The following DDX59 variants were observed in gnomAD, a reference collection of about 807,000 sequenced individuals.
DDX59 encodes probable ATP-dependent RNA helicase DDX59.
Under a neutral mutation model 51.9 loss-of-function variants are expected in DDX59, and 30 were observed. The observed-to-expected ratio is 0.58, with a 90% CI of 0.43 to 0.78. The LOEUF (loss-of-function observed/expected upper bound fraction) is 0.78, where lower values mean the gene tolerates loss of function less well. DDX59 is among the 30% of genes least tolerant of loss of function. The probability of loss-of-function intolerance (pLI) is 0.00; values close to 1 mark genes in which losing one functional copy is unlikely to be tolerated. For synonymous variants in DDX59, 255 were observed against 253.3 expected, an observed-to-expected ratio of 1.01 and a Z score of -0.06; for missense variants, 672 against 730.8, an observed-to-expected ratio of 0.92 and a Z score of 0.93.
intron 7 of DDX59, among the ~76,000 whole-genome samples, chr1:200,644,981 C>A (rs1202459608): frequency 6.7e-6 from 1 of 150,368 alleles, no homozygotes; most frequent in Non-Finnish European, 1.5e-5. Context: ...CTCAATATAT[C>A]TGTGAAATCA....
downstream of DDX59, among the ~76,000 whole-genome samples, chr1:200,642,853 C>G (rs1311672277): frequency 6.6e-6 from 1 of 152,048 alleles, no homozygotes; most frequent in Non-Finnish European, 1.5e-5. Flanking sequence ...AAGGGTGGCC[C>G]ACAATGACCG....
Position 200,666,044 on chromosome 1 carries a change from T to C in DDX59, c.697A>G (p.Met233Val), listed in dbSNP as rs1288942241. The C allele has an allele frequency of 1.5e-5, 24 of 1,614,206 alleles. No individual in the cohort carries two copies. The highest frequency in any genetic ancestry group is 1.9e-5 in the Non-Finnish European group (22 of 1,180,042). Residue 233 changes from methionine (M) to valine (V), a missense_variant, in exon 2 of 8, where the codon ATG (methionine) becomes GTG (valine). By Grantham distance (21) the Met-to-Val change is conservative. Coordinates refer to ENST00000331314, the MANE Select transcript of DDX59 (RefSeq NM_001031725.6). The part of the protein sequence containing the change: ...YEVPTPIQMQ[M>V]IPVGLLGRDI... ...CTTCCCAGAAGTCCCACAGGAATCA[T>C]CTGCATTTGAATGGGAGTTGGCACC...
intron 4 of DDX59, among the ~76,000 whole-genome samples, chr1:200,658,041 C>T (rs903843752): frequency 2.0e-5 from 3 of 152,226 alleles, no homozygotes; most frequent in Non-Finnish European, 2.9e-5. Context: ...CTTGCGGGTA[C>T]TGGCTATGTG....
rs1158081254 is a variant in DDX59 at position 200,649,155 on chromosome 1, T to C, written c.1386A>G (p.Glu462=). 1.9e-6 allele frequency: 3 copies of C among 1,598,626 alleles called. No individual in the cohort carries two copies. The highest frequency in any genetic ancestry group is 1.8e-5 in the Admixed American group (1 of 55,584). The change falls in exon 6 of 8, where the codon GAA becomes GAG. Residue 462 remains glutamate, a synonymous_variant. Coordinates refer to ENST00000331314, the MANE Select transcript of DDX59 (RefSeq NM_001031725.6). ...TCAGCCCTGTGATTTTCTGAACGGC[T>C]TCACTCAAAAGATCTGCTCCTAGTT... ...DCKLGADLLS[E]AVQKITGLKS... is the part of the protein sequence containing the mutation.
chr1:200,664,141 A>G (rs1662560702), intron 2 of DDX59, 55 bp from the exon 3 acceptor site: 2 of 1,563,718 alleles, frequency 1.3e-6, no homozygotes, highest in Non-Finnish European at 1.7e-6. Context: ...TCCTGCTGAT[A>G]TGAACTAAAT....
At chr1:200,664,800 C>G (rs577357422) in intron 2 of DDX59, among the ~76,000 whole-genome samples, 1 of 152,058 alleles carries the variant, frequency 6.6e-6, no homozygotes, top group Non-Finnish European at 1.5e-5. Context: ...CTCAGCCTCC[C>G]GAGTAGCTGG....
At chr1:200,658,036 G>A (rs962054338) in intron 4 of DDX59, among the ~76,000 whole-genome samples, 3 of 152,168 alleles carry the variant, frequency 2.0e-5, no homozygotes, top group East Asian at 1.9e-4. Context: ...TTGGTCTTGC[G>A]GGTACTGGCT....
intron 7 of DDX59, among the ~76,000 whole-genome samples, chr1:200,646,607 G>A (rs1477085882): frequency 2.0e-5 from 3 of 152,176 alleles, no homozygotes; most frequent in African/African-American, 7.2e-5. Context: ...AAAGATAAGT[G>A]TTGATGAGGA....
At chr1:200,654,844 T>C (rs572030037) in intron 4 of DDX59, 5 of 152,348 alleles carry the variant, frequency 3.3e-5, no homozygotes, top group East Asian at 3.9e-4. Flanking sequence ...CTTGAAACAA[T>C]GGTTCTCTCT....
Position 200,644,512 on chromosome 1 carries a change from T to C in DDX59, c.1602A>G (p.Gly534=), listed in dbSNP as rs758768659. The change falls in exon 8 of 8, where the codon GGA becomes GGG. Residue 534 remains glycine (G), a synonymous_variant. Coordinates refer to ENST00000331314, the MANE Select transcript of DDX59 (RefSeq NM_001031725.6). ...CATTTTGACCTAATCTTCCTACTCTTCCAATCTGAAATAAAATGCAAAGAA... is the reference window on the plus strand; with the variant it reads ...CATTTTGACCTAATCTTCCTACTCTCCCAATCTGAAATAAAATGCAAAGAA... ...SSMDEYVHQI[G]RVGRLGQNGT... 43 of 1,568,148 alleles carry C rather than the reference T, an allele frequency of 2.7e-5. No homozygotes were observed. In the South Asian group the frequency reaches 4.8e-4, roughly 17 times the overall value.
At chr1:200,648,242 G>A (rs930336470) in intron 7 of DDX59, among the ~76,000 whole-genome samples, 197 bp downstream of exon 7, 4 of 151,988 alleles carry the variant, frequency 2.6e-5, no homozygotes, top group Non-Finnish European at 4.4e-5. Flanking sequence ...TGGCCAGGTT[G>A]GTCTGTGAAC....
intron 7 of DDX59, among the ~76,000 whole-genome samples, chr1:200,646,309 G>A (rs765489100): frequency 1.3e-4 from 19 of 151,930 alleles, no homozygotes; most frequent in South Asian, 4.1e-4. Flanking sequence ...ACTCCAGCCC[G>A]GGCAACAGAA....
intron 7 of DDX59, among the ~76,000 whole-genome samples, chr1:200,647,697 C>T (rs1225734104): frequency 2.0e-5 from 3 of 151,454 alleles, no homozygotes; most frequent in African/African-American, 4.8e-5. Context: ...GCAGGCCAGG[C>T]GTGGTGGCTC....
chr1:200,652,905 G>A (rs997780654), intron 4 of DDX59, among the ~76,000 whole-genome samples: 1 of 152,028 alleles, frequency 6.6e-6, no homozygotes, highest in African/African-American at 2.4e-5. Context: ...GGCTGGTCTT[G>A]AACTACTGGC....
downstream of DDX59, among the ~76,000 whole-genome samples, chr1:200,643,642 CA>C (rs959441759): frequency 4.0e-5 from 6 of 151,636 alleles, no homozygotes; most frequent in Admixed American, 3.3e-4. Flanking sequence ...GACTCTGTCT[CA>C]AAACAAAAAC....
At chr1:200,655,913 C>G (rs1661991321) in intron 4 of DDX59, among the ~76,000 whole-genome samples, 5 of 152,082 alleles carry the variant, frequency 3.3e-5, no homozygotes. Flanking sequence ...TCACCGCAAC[C>G]TCCACCTCCC....
intron 3 of DDX59, among the ~76,000 whole-genome samples, chr1:200,661,922 T>C (rs562954474): frequency 6.6e-5 from 10 of 152,304 alleles, no homozygotes; most frequent in South Asian, 4.2e-4. Flanking sequence ...TTTAACACCC[T>C]TCCCCTTGGT....
Position 200,649,214 on chromosome 1 carries a change from A to C in DDX59, c.1327T>G (p.Phe443Val). The C allele has an allele frequency of 6.4e-7, 1 of 1,568,838 alleles. No homozygotes were observed. The highest frequency in any genetic ancestry group is 2.3e-5 in the East Asian group (1 of 43,284). Reference sequence around the variant, plus strand: ...ACAAATACTAACACTGGAGGCTTAAAGAGTTTCTTATCCTGAAAAATTAAA... The same window carrying C: ...ACAAATACTAACACTGGAGGCTTAACGAGTTTCTTATCCTGAAAAATTAAA... Reference protein sequence around the residue: ...LFEILNDKKLFKPPVLVFVDC... With the variant: ...LFEILNDKKLVKPPVLVFVDC... Residue 443 changes from phenylalanine to valine, a missense_variant, in exon 6 of 8, where the codon TTT (phenylalanine) becomes GTT (valine). Coordinates refer to ENST00000331314, the MANE Select transcript of DDX59 (RefSeq NM_001031725.6).
At position 200,648,467 on chromosome 1, in the gene DDX59, G is replaced by A. The variant is rs1392519677; in HGVS notation, c.1568C>T (p.Pro523Leu). Reference protein sequence around the residue: ...SVRLVVNFDMPSSMDEYVHQI... With the variant: ...SVRLVVNFDMLSSMDEYVHQI... The stretch of plus-strand genomic sequence containing the variant: ...ATGGACATACTCATCCATACTTGAA[G>A]GCATATCAAAATTGACAACCAGCCT... Residue 523 changes from proline (P) to leucine (L), a missense_variant, in exon 7 of 8, where the codon CCT becomes CTT. Pro to Leu is a moderately conservative substitution (Grantham distance 98). Coordinates refer to ENST00000331314, the MANE Select transcript of DDX59 (RefSeq NM_001031725.6). 6.2e-7 allele frequency: 1 copy of A among 1,613,992 alleles called. No individual in the cohort carries two copies. The highest frequency in any genetic ancestry group is 2.2e-5 in the East Asian group (1 of 44,894).
Sources: gnomAD v4.1 joint callset for allele counts (sites outside exome capture counted in the v4.1 genomes callset) on GRCh38, gnomAD v4.1.1 for gene constraint, MANE v1.5 for transcripts, NCBI Gene and HGNC (gene_info 2026-07-23, HGNC 2026-07-21) for gene names.